The following SEC23IP variants were observed in gnomAD, a reference collection of about 807,000 sequenced individuals.
SEC23IP encodes SEC23-interacting protein.
Under a neutral mutation model 113.4 loss-of-function variants are expected in SEC23IP, and 70 were observed. The observed-to-expected ratio is 0.62, with a 90% CI of 0.51 to 0.75. The LOEUF (loss-of-function observed/expected upper bound fraction) is 0.75. Ranked by LOEUF, SEC23IP falls within the 30% of genes least tolerant of loss-of-function variation. The pLI is 0.00. For missense variants in SEC23IP, 1,160 were observed against 1,204.9 expected (o/e 0.96, Z 0.55); for synonymous variants, 398 against 421.0 (o/e 0.95, Z 0.67).
Position 119,904,299 on chromosome 10 carries a change from A to G in SEC23IP, c.1101+22A>G, listed in dbSNP as rs371856056. The G allele has an allele frequency of 1.2e-4, 185 of 1,608,162 alleles. No individual in the cohort carries two copies. In the African/African-American group the frequency reaches 2.3e-3, roughly 20 times the overall value. On this transcript the variant is annotated intron_variant, in intron 4 of 18. Transcript: ENST00000369075. Reference sequence around the variant, plus strand: ...AGAGGTACGGGTGCTTTATTTCTTTATGAGTTTCTTTAAAAAATGTAGGTC... The same window carrying G: ...AGAGGTACGGGTGCTTTATTTCTTTGTGAGTTTCTTTAAAAAATGTAGGTC...
Position 119,892,961 on chromosome 10 carries a change from C to T in SEC23IP, c.163+16C>T. The stretch of plus-strand genomic sequence containing the variant: ...TTACCGGGAGGTAATAAGGGGAGGG[C>T]GGCCCCGTGTGTGGTGGGAGGCGGG... On this transcript the variant is annotated intron_variant, in intron 1 of 18. Transcript: ENST00000369075. 1 of 1,602,256 alleles carries T rather than the reference C, an allele frequency of 6.2e-7. No homozygotes were observed. The highest frequency in any genetic ancestry group is 1.1e-5 in the South Asian group (1 of 90,048).
Position 119,918,035 on chromosome 10 carries a change from C to A in SEC23IP, c.1744C>A (p.His582Asn). The A allele has an allele frequency of 6.2e-7, 1 of 1,612,946 alleles. No homozygotes were observed. The highest frequency in any genetic ancestry group is 1.1e-5 in the South Asian group (1 of 90,930). The stretch of plus-strand genomic sequence containing the variant: ...CAAAGGAGGTGTCTCTGTTGCTGGT[C>A]ACAGTTTAGGTAAAACTGTCAAATA... ...DFKGGVSVAG[H>N]SLGSLILFDI... Residue 582 changes from histidine to asparagine, a missense_variant, in exon 9 of 19, where the codon CAC becomes AAC. Physicochemically the swap from His to Asn is moderately conservative, Grantham distance 68 (BLOSUM62 1). Coordinates refer to ENST00000369075, the MANE Select transcript of SEC23IP (RefSeq NM_007190.4).
In SEC23IP at chr10:119,892,774, G is replaced by T; in HGVS notation, c.-9G>T. On this transcript the variant is annotated 5_prime_UTR_variant, in exon 1 of 19. Transcript: ENST00000369075. The stretch of plus-strand genomic sequence containing the variant: ...CCCGGAGACGTGTATCGGACGGTGG[G>T]CCGCAGCCATGGCCGAGAGAAAACC... 2 of 1,601,572 alleles carry T rather than the reference G, an allele frequency of 1.2e-6. No individual in the cohort carries two copies. The highest frequency in any genetic ancestry group is 2.2e-5 in the South Asian group (2 of 89,446).
At chr10:119,920,107 A>G (rs551515918) in intron 11 of SEC23IP, among the ~76,000 whole-genome samples, 16 of 152,224 alleles carry the variant, frequency 1.1e-4, no homozygotes, top group Admixed American at 9.2e-4. Flanking sequence ...AAAATATGCT[A>G]TGTGGCCAGG....
At position 119,904,007 on chromosome 10, in the gene SEC23IP, A is replaced by G. The variant is rs528444605; in HGVS notation, c.908-77A>G. 77 of 1,484,788 alleles carry G rather than the reference A, an allele frequency of 5.2e-5. No individual in the cohort carries two copies. In the South Asian group the frequency reaches 9.2e-4, roughly 18 times the overall value. The allele number at this position is 1,484,788 out of a possible 1,614,324, so 92.0% of individuals were successfully genotyped here. A position where few individuals can be genotyped will look rare whatever the true frequency, so the allele number is the denominator to read the frequency against. On this transcript the variant is annotated intron_variant, in intron 3 of 18. Transcript: ENST00000369075. Reference sequence around the variant, plus strand: ...GGTGCTGGGATTACAGGCATGAGCCACTGCGCCCAGCAGATTATTTATTAT... The same window carrying G: ...GGTGCTGGGATTACAGGCATGAGCCGCTGCGCCCAGCAGATTATTTATTAT...
chr10:119,936,989 G>T (rs1483618195), intron 18 of SEC23IP, among the ~76,000 whole-genome samples: 1 of 151,866 alleles, frequency 6.6e-6, no homozygotes, highest in Non-Finnish European at 1.5e-5. Flanking sequence ...CCGGGTTCAT[G>T]CCATTCTCTT....
chr10:119,907,822 A>G (rs923369810), intron 4 of SEC23IP, among the ~76,000 whole-genome samples: 1 of 151,948 alleles, frequency 6.6e-6, no homozygotes, highest in Non-Finnish European at 1.5e-5. Flanking sequence ...GTAGTGGCTC[A>G]TTGCCTGTAG....
intron 2 of SEC23IP, among the ~76,000 whole-genome samples, 200 bp from the exon 3 acceptor site, chr10:119,902,599 C>T (rs1854532690): frequency 6.6e-6 from 1 of 152,104 alleles, no homozygotes; most frequent in Admixed American, 6.6e-5. Flanking sequence ...AGATATCCCT[C>T]ACCTCAAGCA....
At chr10:119,919,118 C>G (rs562361646) in intron 10 of SEC23IP, among the ~76,000 whole-genome samples, 3 of 151,666 alleles carry the variant, frequency 2.0e-5, no homozygotes, top group African/African-American at 4.8e-5. Flanking sequence ...CTCAGCCTCC[C>G]GAGTAGTTGG....
intron 18 of SEC23IP, among the ~76,000 whole-genome samples, chr10:119,937,117 C>T (rs1027587365): frequency 5.3e-5 from 8 of 151,434 alleles, no homozygotes; most frequent in Non-Finnish European, 5.9e-5. Flanking sequence ...CCTCGTGATC[C>T]GCCCGCCTTG....
At position 119,932,141 on chromosome 10, in the gene SEC23IP, G is replaced by A. The variant is rs1400362597; in HGVS notation, c.2581G>A (p.Glu861Lys). Reference protein sequence around the residue: ...GRKRLHLELKESLSRMGSDLK... With the variant: ...GRKRLHLELKKSLSRMGSDLK... ...CATCTTAATCTCTTTAGAATTGAAA[G>A]AGAGTCTCTCTCGTATGGGATCTGA... The change falls in exon 16 of 19, where the codon GAG (glutamate) becomes AAG (lysine). Residue 861 changes from glutamate (E) to lysine (K), a missense_variant. Transcript: ENST00000369075. The A allele has an allele frequency of 1.2e-6, 2 of 1,606,118 alleles. No individual in the cohort carries two copies. The highest frequency in any genetic ancestry group is 1.7e-6 in the Non-Finnish European group (2 of 1,173,500).
chr10:119,906,304 A>G (rs1240882610), intron 4 of SEC23IP, among the ~76,000 whole-genome samples: 3 of 150,150 alleles, frequency 2.0e-5, no homozygotes, highest in Non-Finnish European at 4.4e-5. Context: ...AAAAAAAAGA[A>G]ACGGAGCTAA....
chr10:119,937,106 A>G (rs1424780708), intron 18 of SEC23IP, among the ~76,000 whole-genome samples: 1 of 150,548 alleles, frequency 6.6e-6, no homozygotes, highest in African/African-American at 2.4e-5. Context: ...CGATCTCCTG[A>G]CCTCGTGATC....
At chr10:119,915,002 C>T (rs1171025047) in intron 7 of SEC23IP, among the ~76,000 whole-genome samples, 183 bp downstream of exon 7, 5 of 152,108 alleles carry the variant, frequency 3.3e-5, no homozygotes, top group African/African-American at 7.2e-5. Flanking sequence ...ACATATGTGA[C>T]GCATACAATC....
Position 119,918,459 on chromosome 10 carries a change from C to G in SEC23IP, c.1820C>G (p.Pro607Arg). Residue 607 changes from proline to arginine, a missense_variant, in exon 10 of 19, where the codon CCT becomes CGT. Coordinates refer to ENST00000369075, the MANE Select transcript of SEC23IP (RefSeq NM_007190.4). ...TTGAATTTATCAAAGTGCCCTGGAC[C>G]TCTTGCTGTTGCTAATGGAGTTGTG... is the stretch of plus-strand genomic sequence containing the variant. ...KDLNLSKCPG[P>R]LAVANGVVKQ... 1 of 1,613,776 alleles carries G rather than the reference C, an allele frequency of 6.2e-7. No individual in the cohort carries two copies. The highest frequency in any genetic ancestry group is 1.7e-5 in the Admixed American group (1 of 60,012).
chr10:119,928,306 A>G (rs1318964361), intron 13 of SEC23IP, among the ~76,000 whole-genome samples: 1 of 152,144 alleles, frequency 6.6e-6, no homozygotes, highest in Admixed American at 6.5e-5. Flanking sequence ...TAAGGTTATT[A>G]GCTCCTTGTC....
chr10:119,913,424 G>A (rs756477382), intron 6 of SEC23IP, among the ~76,000 whole-genome samples: 13 of 152,062 alleles, frequency 8.5e-5, no homozygotes, highest in African/African-American at 1.4e-4. Flanking sequence ...AAACTACTCA[G>A]CTTTGCTATT....
rs1855523302 is a variant in SEC23IP at position 119,929,484 on chromosome 10, T to C, written c.2314-123T>C. On this transcript the variant is annotated intron_variant, in intron 13 of 18. Transcript: ENST00000369075. ...CTCCTGATCTCGTGATCCGCCCACC[T>C]TGGCCTCCCAAAGTGCTGGGATTAC... 1.1e-5 allele frequency: 8 copies of C among 720,774 alleles called. No individual in the cohort carries two copies. In the East Asian group the frequency reaches 2.0e-4, roughly 18 times the overall value. 44.6% of individuals were successfully genotyped at this position (720,774 alleles called of 1,614,324 possible).
chr10:119,909,828 T>C (rs185357271), intron 5 of SEC23IP, among the ~76,000 whole-genome samples: 1 of 152,274 alleles, frequency 6.6e-6, no homozygotes, highest in African/African-American at 2.4e-5. Flanking sequence ...AGTTTGAGAT[T>C]GTAGTGAGCT....
Sources: gnomAD v4.1 joint callset for allele counts (sites outside exome capture counted in the v4.1 genomes callset) on GRCh38, gnomAD v4.1.1 for gene constraint, MANE v1.5 for transcripts, NCBI Gene and HGNC (gene_info 2026-07-23, HGNC 2026-07-21) for gene names.